Variants in EDIL3 observed in about 807,000 individuals in gnomAD.
EDIL3 encodes the protein EGF like and discoidin domains 3, also known as EGF-like repeat and discoidin I-like domain-containing protein 3.
In EDIL3, 37 loss-of-function variants were observed where a neutral mutation model predicts 67.4. The observed-to-expected ratio is 0.55, with a 90% CI of 0.42 to 0.72. The LOEUF (loss-of-function observed/expected upper bound fraction) is 0.72, where lower values mean the gene tolerates loss of function less well. Ranked by LOEUF, EDIL3 falls within the 30% of genes least tolerant of loss-of-function variation. The pLI, the probability that EDIL3 is intolerant of heterozygous loss-of-function variation, is 0.00. For missense variants in EDIL3, 527 were observed against 586.3 expected (o/e 0.90, Z 1.04); for synonymous variants, 195 against 196.3 (o/e 0.99, Z 0.05).
At chr5:84,074,155 C>T (rs949265801) in intron 6 of EDIL3, among the ~76,000 whole-genome samples, 27 of 151,254 alleles carry the variant, frequency 1.8e-4, no homozygotes, top group African/African-American at 4.2e-4. Context: ...ATGTAGAAAG[C>T]GGAAACTGGA....
chr5:84,380,452 C>T lies in EDIL3; in HGVS notation c.67+3856G>A, dbSNP rs888181644. Among the ~76,000 whole-genome samples, 3 of 152,192 alleles carry T rather than the reference C, an allele frequency of 2.0e-5. No individual in the cohort carries two copies. The South Asian group carries it at 6.2e-4, about 32-fold the overall frequency. ...TATTTGCAAAATTTGCTATTTTTTA[C>T]TCAGTATCCAAATGTTATGATTTAC... is the stretch of plus-strand genomic sequence containing the variant. On this transcript the variant is annotated intron_variant, in intron 1 of 10. Coordinates refer to ENST00000296591, the MANE Select transcript of EDIL3 (RefSeq NM_005711.5).
At chr5:84,348,048 G>C (rs1747269295) in intron 1 of EDIL3, among the ~76,000 whole-genome samples, 1 of 152,186 alleles carries the variant, frequency 6.6e-6, no homozygotes. Context: ...TGTAAAAAAA[G>C]CAATGGTGAG....
At chr5:84,105,042 T>C (rs893332278) in intron 6 of EDIL3, among the ~76,000 whole-genome samples, 9 of 152,074 alleles carry the variant, frequency 5.9e-5, no homozygotes, top group African/African-American at 2.2e-4. Context: ...TGTCTAAAGT[T>C]TTATCATGAC....
In EDIL3 at chr5:84,123,815, G is replaced by A. The variant is rs1380176607; in HGVS notation, c.469+13426C>T. Among the ~76,000 whole-genome samples, 3 of 151,852 alleles carry A rather than the reference G, an allele frequency of 2.0e-5. No homozygotes were observed. The East Asian group carries it at 5.8e-4, about 29-fold the overall frequency. On this transcript the variant is annotated intron_variant, in intron 5 of 10. Coordinates refer to ENST00000296591, the MANE Select transcript of EDIL3 (RefSeq NM_005711.5). ...AACTGTATGTACTGTCATATTCTTG[G>A]AAGCAGTGGAGGTGTGACTAGAGTG...
intron 3 of EDIL3, among the ~76,000 whole-genome samples, chr5:84,224,240 TA>T (rs1744404774): frequency 6.6e-6 from 1 of 151,516 alleles, no homozygotes; most frequent in African/African-American, 2.4e-5. Context: ...CCCAGCCCTG[TA>T]TTAAATGATT....
chr5:84,207,447 A>G (rs1361495292), intron 3 of EDIL3, among the ~76,000 whole-genome samples: 1 of 152,234 alleles, frequency 6.6e-6, no homozygotes, highest in Non-Finnish European at 1.5e-5. Flanking sequence ...GGAAGAATCA[A>G]TATCGTGAAA....
intron 1 of EDIL3, among the ~76,000 whole-genome samples, chr5:84,266,534 T>A (rs1408213605): frequency 6.6e-6 from 1 of 152,200 alleles, no homozygotes; most frequent in Admixed American, 6.5e-5. Flanking sequence ...GTACAGGGCT[T>A]CAAGTTATAT....
chr5:84,192,504 G>A (rs574508510), intron 3 of EDIL3, among the ~76,000 whole-genome samples: 2 of 151,806 alleles, frequency 1.3e-5, no homozygotes, highest in African/African-American at 4.8e-5. Context: ...CTCTTTTCCT[G>A]ATGTCCTTTT....
chr5:83,970,084 C>T (rs1436053999), intron 9 of EDIL3, among the ~76,000 whole-genome samples: 2 of 151,576 alleles, frequency 1.3e-5, no homozygotes, highest in Admixed American at 1.3e-4. Context: ...CTCTGTTCTA[C>T]TTTTTACTTC....
chr5:84,112,939 TTTACAC>T (rs1224298992), intron 5 of EDIL3, among the ~76,000 whole-genome samples: 9 of 152,136 alleles, frequency 5.9e-5, no homozygotes, highest in African/African-American at 1.7e-4. Context: ...TTAAAAATCA[TTTACAC>T]TTACACTTAC....
rs142982447 is a variant in EDIL3, at chr5:84,119,700, T to A, written c.470-12870A>T. On this transcript the variant is annotated intron_variant, in intron 5 of 10. Transcript: ENST00000296591. The stretch of plus-strand genomic sequence containing the variant: ...TCTGAAAAGCACTTTTATAATCGAG[T>A]TTTTCCCCCACTTTAATATCTGAGT... Among the ~76,000 whole-genome samples the A allele has an allele frequency of 6.6e-4, 100 of 151,950 alleles. 1 individual carries two copies. The highest frequency in any genetic ancestry group is 2.3e-3 in the African/African-American group (95 of 41,466).
intron 3 of EDIL3, among the ~76,000 whole-genome samples, chr5:84,182,308 A>AC (rs1561455702): frequency 7.3e-6 from 1 of 136,744 alleles, no homozygotes; most frequent in Non-Finnish European, 1.6e-5. Context: ...CACACACACA[A>AC]ATCCAGGCAT....
chr5:84,028,518 A>C (rs947716207), intron 9 of EDIL3, among the ~76,000 whole-genome samples: 1 of 152,122 alleles, frequency 6.6e-6, no homozygotes, highest in African/African-American at 2.4e-5. Flanking sequence ...CAGTTTCAAA[A>C]AATTTACTTT....
rs141520002 is a variant in EDIL3 at position 84,245,613 on chromosome 5, A to C, written c.196+8471T>G. Among the ~76,000 whole-genome samples, 1,485 of 152,260 alleles carry C rather than the reference A, an allele frequency of 9.8e-3. 33 individuals are homozygous for C. Among genetic ancestry groups the C allele is most frequent in the African/African-American group, 0.034 (1,413 of 41,560 alleles). ...TGAAGAAGATGAAATCAAGTAACAG[A>C]ATGAAAGATTGTAAAGATTTTTGGC... On this transcript the variant is annotated intron_variant, in intron 2 of 10. Transcript: ENST00000296591.
chr5:84,274,356 C>T (rs1745532864), intron 1 of EDIL3, among the ~76,000 whole-genome samples: 1 of 152,138 alleles, frequency 6.6e-6, no homozygotes, highest in African/African-American at 2.4e-5. Context: ...CCCACCTTGG[C>T]CTCCAAAAGT....
intron 1 of EDIL3, among the ~76,000 whole-genome samples, chr5:84,311,496 G>A (rs1165376640): frequency 6.6e-6 from 1 of 151,886 alleles, no homozygotes; most frequent in Non-Finnish European, 1.5e-5. Flanking sequence ...CATGCAAAAG[G>A]GCTTTAACGT....
intron 1 of EDIL3, among the ~76,000 whole-genome samples, chr5:84,326,039 G>C (rs1444321559): frequency 6.6e-6 from 1 of 152,072 alleles, no homozygotes; most frequent in Non-Finnish European, 1.5e-5. Context: ...CAGGTCACCA[G>C]GGCTCTGCCT....
chr5:84,382,102 G>C (rs1344009281), intron 1 of EDIL3, among the ~76,000 whole-genome samples: 1 of 152,342 alleles, frequency 6.6e-6, no homozygotes, highest in Non-Finnish European at 1.5e-5. Flanking sequence ...AAAAATTAGA[G>C]AGGTGCAAGT....
In EDIL3 at chr5:83,941,264, G is replaced by A. The variant is rs1580243117; in HGVS notation, c.*2155C>T. The A allele has an allele frequency of 6.6e-6, 1 of 151,916 alleles. No homozygotes were observed. The highest frequency in any genetic ancestry group is 1.9e-4 in the East Asian group (1 of 5,176). 9.4% of individuals were successfully genotyped at this position (151,916 alleles called of 1,614,324 possible). A position where few individuals can be genotyped will look rare whatever the true frequency, so the allele number is the denominator to read the frequency against. ...TATTGCGAAGAGCATATAAAGCAGA[G>A]GGAAAATGAAAAAGCAAGAGAAACT... is the stretch of plus-strand genomic sequence containing the variant. On this transcript the variant is annotated 3_prime_UTR_variant, in exon 11 of 11. Coordinates refer to ENST00000296591, the MANE Select transcript of EDIL3 (RefSeq NM_005711.5).
Sources: allele counts gnomAD v4.1 joint callset (sites outside exome capture counted in the v4.1 genomes callset), GRCh38; gene constraint gnomAD v4.1.1; transcripts MANE v1.5; gene names NCBI Gene and HGNC (gene_info 2026-07-23, HGNC 2026-07-21).